Variants in PDE4D observed in about 807,000 individuals in gnomAD.
PDE4D encodes 3',5'-cyclic-AMP phosphodiesterase 4D.
Under a neutral mutation model 87.4 loss-of-function variants are expected in PDE4D, and 24 were observed. The observed-to-expected ratio is 0.27, with a 90% confidence interval of 0.20 to 0.39. PDE4D has a LOEUF of 0.39. Among genes scored for constraint, PDE4D ranks in the 10% least tolerant of loss-of-function variants. The probability of loss-of-function intolerance (pLI) is 1.00; values close to 1 mark genes in which losing one functional copy is unlikely to be tolerated. For missense variants in PDE4D, 714 were observed against 1,041.0 expected, an observed-to-expected ratio of 0.69 and a Z score of 4.32; for synonymous variants, 384 against 383.2, an observed-to-expected ratio of 1.00 and a Z score of -0.02.
chr5:59,759,664 C>G (rs1380523363), intron 1 of PDE4D, among the ~76,000 whole-genome samples: 1 of 152,192 alleles, frequency 6.6e-6, no homozygotes, highest in African/African-American at 2.4e-5. Context: ...CCTCCACCTC[C>G]CATGATTTCC....
At chr5:59,751,549 GTTTC>G (rs1376195903) in intron 1 of PDE4D, among the ~76,000 whole-genome samples, 1 of 144,604 alleles carries the variant, frequency 6.9e-6, no homozygotes, top group Non-Finnish European at 1.5e-5. Flanking sequence ...ACATCATCAT[GTTTC>G]TTTTATACAT....
rs1792058519 is a variant in PDE4D, at chr5:59,408,318, C to A, written c.456-192350G>T. Among the ~76,000 whole-genome samples the A allele has an allele frequency of 2.0e-5, 3 of 152,212 alleles. No homozygotes were observed. In the South Asian group the frequency reaches 6.2e-4, roughly 31 times the overall value. On this transcript the variant is annotated intron_variant, in intron 1 of 14. Coordinates refer to ENST00000340635, the MANE Select transcript of PDE4D (RefSeq NM_001104631.2). ...GCATGTAAGCTGTAAGCCTTTGTGGCTTCCTTGTGGTATTAAGCCTTCAGA... is the reference window on the plus strand; with the variant it reads ...GCATGTAAGCTGTAAGCCTTTGTGGATTCCTTGTGGTATTAAGCCTTCAGA...
chr5:59,640,502 C>T (rs551162505), intron 1 of PDE4D, among the ~76,000 whole-genome samples: 20 of 152,236 alleles, frequency 1.3e-4, no homozygotes, highest in Non-Finnish European at 2.5e-4. Flanking sequence ...AGCCATTTCA[C>T]GGAAATTTAT....
chr5:59,595,246 A>C (rs973436101), intron 1 of PDE4D, among the ~76,000 whole-genome samples: 1 of 152,236 alleles, frequency 6.6e-6, no homozygotes, highest in African/African-American at 2.4e-5. Flanking sequence ...ATCTATTTAT[A>C]AAATCTGAAA....
intron 1 of PDE4D, chr5:59,356,683 G>A: frequency 2.5e-6 from 3 of 1,210,738 alleles, no homozygotes; most frequent in Non-Finnish European, 3.4e-6. Context: ...GGTCAACATA[G>A]GGCAAAGGCT....
rs112200987 is a variant in PDE4D at position 58,975,886 on chromosome 5, T to TAAA, written c.1831-50_1831-48dup. 758 of 1,065,694 alleles carry TAAA rather than the reference T, an allele frequency of 7.1e-4. 1 individual carries two copies. The highest frequency in any genetic ancestry group is 8.6e-4 in the South Asian group (30 of 34,934). The allele number at this position is 1,065,694 out of a possible 1,614,324, so 66.0% of individuals were successfully genotyped here. A position where few individuals can be genotyped will look rare whatever the true frequency, so the allele number is the denominator to read the frequency against. ...TCTATTCACTCCTGTTCCTTTTTTT[T>TAAA]AAAAAAAAAAACAAAAAAAACTAGA... On this transcript the variant is annotated intron_variant, in intron 13 of 14. Coordinates refer to ENST00000340635, the MANE Select transcript of PDE4D (RefSeq NM_001104631.2). This position sits in a 1 kb window ranked among gnomAD's most constrained non-coding sequence, Gnocchi z 4.2.
intron 1 of PDE4D, among the ~76,000 whole-genome samples, chr5:60,296,860 A>G (rs1336723544): frequency 6.6e-6 from 1 of 152,058 alleles, no homozygotes; most frequent in Non-Finnish European, 1.5e-5. Context: ...CAAACACCAC[A>G]TGTTCTCACT....
At chr5:59,100,400 G>A (rs866781704) in intron 5 of PDE4D, among the ~76,000 whole-genome samples, 4 of 151,964 alleles carry the variant, frequency 2.6e-5, no homozygotes, top group Non-Finnish European at 4.4e-5. Context: ...TTCTTCTTTC[G>A]TTTATGGAGA....
intron 1 of PDE4D, among the ~76,000 whole-genome samples, chr5:59,383,075 T>G (rs1303632808): frequency 2.0e-5 from 3 of 152,194 alleles, no homozygotes; most frequent in Non-Finnish European, 2.9e-5. Flanking sequence ...ATTTCCATCT[T>G]CATAGTGTGA....
chr5:59,393,284 G>T (rs1788609537), intron 1 of PDE4D, among the ~76,000 whole-genome samples: 1 of 152,124 alleles, frequency 6.6e-6, no homozygotes, highest in Admixed American at 6.5e-5. Flanking sequence ...ACTCAATTTT[G>T]CATACTGCTT....
At chr5:59,008,649 A>T (rs142980443) in intron 6 of PDE4D, among the ~76,000 whole-genome samples, 28 of 152,216 alleles carry the variant, frequency 1.8e-4, no homozygotes, top group African/African-American at 6.3e-4. Flanking sequence ...AAGAAAACAC[A>T]GTAGAAAGTA....
chr5:59,000,505 C>T (rs1750276166), intron 6 of PDE4D, among the ~76,000 whole-genome samples: 1 of 152,132 alleles, frequency 6.6e-6, no homozygotes, highest in African/African-American at 2.4e-5. Flanking sequence ...TGTGCCATGG[C>T]TGCTCTCAGC....
At chr5:59,722,404 C>A (rs1341453858) in intron 1 of PDE4D, among the ~76,000 whole-genome samples, 1 of 152,164 alleles carries the variant, frequency 6.6e-6, no homozygotes, top group Non-Finnish European at 1.5e-5. Flanking sequence ...CACAGTGCAA[C>A]TAAAAGTTTA....
chr5:59,397,848 A>G (rs199812780), intron 1 of PDE4D, among the ~76,000 whole-genome samples: 4,542 of 54,084 alleles, frequency 0.084, 30 homozygotes, highest in Non-Finnish European at 0.11. Context: ...ACTAATAAAG[A>G]AAAAAAGAGA....
rs1561783029 is a variant in PDE4D, at chr5:59,237,785, GTGTGTGTGTGT to G, written c.456-21828_456-21818del. Among the ~76,000 whole-genome samples, 766 of 147,040 alleles carry G rather than the reference GTGTGTGTGTGT, an allele frequency of 5.2e-3. 12 individuals carry two copies. The highest frequency in any genetic ancestry group is 0.016 in the African/African-American group (622 of 39,912). On this transcript the variant is annotated intron_variant, in intron 1 of 14. Transcript: ENST00000340635. ...GAAATCATACTGCCCTCATATAGGT[GTGTGTGTGTGT>G]GTGTGTGTGTGTGTGTGTGTGTGTG... is the stretch of plus-strand genomic sequence containing the variant.
At chr5:59,020,933 A>G (rs1200652855) in intron 6 of PDE4D, among the ~76,000 whole-genome samples, 1 of 152,040 alleles carries the variant, frequency 6.6e-6, no homozygotes, top group Non-Finnish European at 1.5e-5. Flanking sequence ...TCTCAGCTGC[A>G]TTTTCATTTT....
chr5:59,182,256 T>A (rs1461227648), intron 4 of PDE4D, among the ~76,000 whole-genome samples: 1 of 61,970 alleles, frequency 1.6e-5, no homozygotes, highest in African/African-American at 7.6e-5. Flanking sequence ...CTTCTTAAAT[T>A]TTTTTTTTTT....
At chr5:60,029,236 C>G (rs992825555) in intron 2 of PDE4D, among the ~76,000 whole-genome samples, 2 of 152,106 alleles carry the variant, frequency 1.3e-5, no homozygotes, top group African/African-American at 4.8e-5. Context: ...AATCTTGGGG[C>G]CCCCAAATCA....
intron 2 of PDE4D, among the ~76,000 whole-genome samples, chr5:60,051,803 T>A (rs1019461559): frequency 2.0e-5 from 3 of 146,988 alleles, no homozygotes; most frequent in African/African-American, 5.0e-5. Context: ...GCCAGACTAA[T>A]AAAGAAGAAA....
Sources: gnomAD v4.1 joint callset for allele counts (sites outside exome capture counted in the v4.1 genomes callset) on GRCh38, gnomAD v4.1.1 for gene constraint, Gnocchi (gnomAD v3.1) non-coding constraint, MANE v1.5 for transcripts, NCBI Gene and HGNC (gene_info 2026-07-23, HGNC 2026-07-21) for gene names.